DSCAML1: variants seen among roughly 807,000 people sequenced by gnomAD.
The protein encoded by DSCAML1 is DS cell adhesion molecule like 1, also known as cell adhesion molecule DSCAML1.
Under a neutral mutation model 200.5 loss-of-function variants are expected in DSCAML1, and 38 were observed. The observed-to-expected ratio is 0.19, with a 90% CI of 0.15 to 0.25. The LOEUF (loss-of-function observed/expected upper bound fraction) is 0.25. Ranked by LOEUF, DSCAML1 falls within the 10% of genes least tolerant of loss-of-function variation. The pLI is 1.00. For synonymous variants in DSCAML1, 1,215 were observed against 1,165.0 expected, an observed-to-expected ratio of 1.04 and a Z score of -0.87; for missense variants, 2,223 against 2,858.8, an observed-to-expected ratio of 0.78 and a Z score of 5.07.
chr11:117,641,789 G>T (rs1305712764), intron 3 of DSCAML1, among the ~76,000 whole-genome samples: 2 of 152,102 alleles, frequency 1.3e-5, no homozygotes, highest in Non-Finnish European at 2.9e-5. Flanking sequence ...CCATCTCAGG[G>T]CTTGCCTCCC....
chr11:117,803,113 T>G (rs10488782), intron 1 of DSCAML1, among the ~76,000 whole-genome samples: 22,244 of 151,930 alleles, frequency 0.15, 1,855 homozygotes, highest in African/African-American at 0.23. Flanking sequence ...TTTATATGGT[T>G]CACAGGCCAT....
chr11:117,476,462 C>T (rs1222390176), intron 14 of DSCAML1, among the ~76,000 whole-genome samples: 1 of 152,174 alleles, frequency 6.6e-6, no homozygotes, highest in African/African-American at 2.4e-5. Context: ...ATCTCAACAC[C>T]AGTCCCTCTG....
chr11:117,459,022 T>A, intron 18 of DSCAML1, 113 bp from the exon 19 acceptor site: 2 of 1,364,488 alleles, frequency 1.5e-6, no homozygotes, highest in Non-Finnish European at 2.0e-6. Flanking sequence ...AGCCCTCGAC[T>A]CCATGGTGGC....
Position 117,465,600 on chromosome 11 carries a change from C to G in DSCAML1, c.3025-418G>C, listed in dbSNP as rs576073443. 3.8e-3 allele frequency among the ~76,000 whole-genome samples: 576 copies of G among 152,298 alleles called. 9 individuals carry two copies. Among genetic ancestry groups the G allele is most frequent in the African/African-American group, 0.013 (556 of 41,570 alleles). On this transcript the variant is annotated intron_variant, in intron 16 of 32. Coordinates refer to ENST00000651296, the MANE Select transcript of DSCAML1 (RefSeq NM_020693.4). ...CTCCACAGCACTTAGCATCATCTGA[C>G]AGTCTATAAATTTCACTTATGCATT...
chr11:117,756,851 G>T (rs2054702672), intron 3 of DSCAML1, among the ~76,000 whole-genome samples: 1 of 152,182 alleles, frequency 6.6e-6, no homozygotes, highest in Non-Finnish European at 1.5e-5. Flanking sequence ...GAAAGACTTT[G>T]ACACAACAGG....
intron 1 of DSCAML1, among the ~76,000 whole-genome samples, chr11:117,805,315 G>A (rs766892511): frequency 6.6e-6 from 1 of 152,128 alleles, no homozygotes; most frequent in Non-Finnish European, 1.5e-5. Context: ...TAAGAATGCA[G>A]CAATAAGGTT....
chr11:117,729,253 C>T (rs1432817080), intron 3 of DSCAML1, among the ~76,000 whole-genome samples: 1 of 152,148 alleles, frequency 6.6e-6, no homozygotes, highest in African/African-American at 2.4e-5. Context: ...TACCTCATAC[C>T]ATGTACAAAA....
At chr11:117,726,251 C>CTGTGTGTG (rs374321961) in intron 3 of DSCAML1, among the ~76,000 whole-genome samples, 1 of 149,174 alleles carries the variant, frequency 6.7e-6, no homozygotes, top group African/African-American at 2.5e-5. Flanking sequence ...GTGTGTATCT[C>CTGTGTGTG]TGTGTGTGTG....
chr11:117,577,384 C>T (rs183016141), intron 3 of DSCAML1, among the ~76,000 whole-genome samples: 2,467 of 142,924 alleles, frequency 0.017, 42 homozygotes, highest in Non-Finnish European at 0.027. Context: ...AGATTTCCTT[C>T]CTTCCTCCCT....
intron 11 of DSCAML1, among the ~76,000 whole-genome samples, chr11:117,486,528 A>G (rs2049070378): frequency 6.6e-6 from 1 of 152,254 alleles, no homozygotes; most frequent in South Asian, 2.1e-4. Flanking sequence ...GAAGGAAAGC[A>G]GAGACCTGGT....
intron 3 of DSCAML1, among the ~76,000 whole-genome samples, chr11:117,725,810 AAACAAAAC>A (rs959542954): frequency 2.7e-5 from 3 of 110,098 alleles, no homozygotes; most frequent in African/African-American, 1.9e-4. Flanking sequence ...ACACAAAACA[AAACAAAAC>A]AAAACAAAAC....
chr11:117,759,825 C>G (rs986679076), intron 3 of DSCAML1, among the ~76,000 whole-genome samples: 3 of 152,174 alleles, frequency 2.0e-5, no homozygotes, highest in Admixed American at 6.5e-5. Context: ...CCTCATTAAA[C>G]TGGGAAACAG....
rs1304428622 is a variant in DSCAML1 at position 117,463,816 on chromosome 11, AG to A, written c.3265+1125del. Reference sequence around the variant, plus strand: ...GCTATTGAAGTCGGCCCCATCTTAAAGCCCAGCTTTTGCCCCAGAATCATGA... The same window carrying A: ...GCTATTGAAGTCGGCCCCATCTTAAACCCAGCTTTTGCCCCAGAATCATGA... On this transcript the variant is annotated intron_variant, in intron 17 of 32. Transcript: ENST00000651296. The surrounding 1 kb of genome is among the most constrained non-coding windows in gnomAD (Gnocchi z 4.0). Among the ~76,000 whole-genome samples, 1 of 152,178 alleles carries A rather than the reference AG, an allele frequency of 6.6e-6. No individual in the cohort carries two copies.
chr11:117,744,325 G>A (rs548981694), intron 3 of DSCAML1, among the ~76,000 whole-genome samples: 41 of 152,314 alleles, frequency 2.7e-4, no homozygotes, highest in South Asian at 1.0e-3. Context: ...TCCCTAAAGC[G>A]GGGCCTCTAA....
At chr11:117,440,813 C>T (rs901219288) in intron 21 of DSCAML1, among the ~76,000 whole-genome samples, 1 of 149,240 alleles carries the variant, frequency 6.7e-6, no homozygotes, top group African/African-American at 2.5e-5. Context: ...CCCAGCTACT[C>T]GGGAGGCTGA....
At chr11:117,461,235 G>A (rs559680311) in intron 18 of DSCAML1, among the ~76,000 whole-genome samples, 9 of 149,468 alleles carry the variant, frequency 6.0e-5, no homozygotes, top group African/African-American at 2.2e-4. Context: ...AGTTGAACAC[G>A]GAGGTGTTCA....
chr11:117,744,511 C>G (rs370992091), intron 3 of DSCAML1, among the ~76,000 whole-genome samples: 254 of 152,366 alleles, frequency 1.7e-3, no homozygotes, highest in African/African-American at 5.7e-3. Context: ...TTACAAGAAG[C>G]CTGGATTCCT....
chr11:117,708,426 C>T (rs2053789520), intron 3 of DSCAML1, among the ~76,000 whole-genome samples: 1 of 152,200 alleles, frequency 6.6e-6, no homozygotes, highest in Admixed American at 6.5e-5. Context: ...CTTCCCAAAC[C>T]AATTAAATTG....
At chr11:117,678,128 C>G (rs2053249422) in intron 3 of DSCAML1, among the ~76,000 whole-genome samples, 1 of 152,222 alleles carries the variant, frequency 6.6e-6, no homozygotes, top group Admixed American at 6.5e-5. Flanking sequence ...CAAGCTCGCT[C>G]TACCAGCTGC....
Sources: gnomAD v4.1 joint callset for allele counts (sites outside exome capture counted in the v4.1 genomes callset) on GRCh38, gnomAD v4.1.1 for gene constraint, Gnocchi (gnomAD v3.1) non-coding constraint, MANE v1.5 for transcripts, NCBI Gene and HGNC (gene_info 2026-07-23, HGNC 2026-07-21) for gene names.